Variants in RORB observed in about 807,000 individuals in gnomAD.
RORB encodes nuclear receptor ROR-beta.
RORB carries 6 observed loss-of-function variants against 59.1 expected under a neutral mutation model. The ratio of observed to expected loss-of-function variants is 0.10; its 90% CI spans 0.06 to 0.20. The LOEUF (loss-of-function observed/expected upper bound fraction) is 0.20. RORB is among the 10% of genes least tolerant of loss of function. The probability of loss-of-function intolerance (pLI) is 1.00; values close to 1 mark genes in which losing one functional copy is unlikely to be tolerated. For synonymous variants in RORB, 215 were observed against 204.5 expected (o/e 1.05, Z -0.44); for missense variants, 320 against 560.5 (o/e 0.57, Z 4.33).
intron 9 of RORB, among the ~76,000 whole-genome samples, chr9:74,682,694 C>T (rs187030589): frequency 2.0e-5 from 3 of 152,266 alleles, no homozygotes; most frequent in Admixed American, 6.5e-5. Flanking sequence ...GTCTGCCTCC[C>T]GAAAAGCAGC....
At chr9:74,556,480 G>T (rs1286426834) in intron 1 of RORB, among the ~76,000 whole-genome samples, 2 of 152,162 alleles carry the variant, frequency 1.3e-5, no homozygotes, top group Non-Finnish European at 2.9e-5. Flanking sequence ...GAAAAGTGGA[G>T]CCCTGTCCAT....
intron 1 of RORB, among the ~76,000 whole-genome samples, chr9:74,617,242 C>T (rs1259835065): frequency 6.6e-6 from 1 of 152,112 alleles, no homozygotes; most frequent in South Asian, 2.1e-4. Context: ...AATGGAACAA[C>T]CGTAAGTATC....
intron 9 of RORB, among the ~76,000 whole-genome samples, chr9:74,677,658 C>T (rs575720667): frequency 6.1e-4 from 93 of 152,228 alleles, no homozygotes; most frequent in Middle Eastern, 3.4e-3. Context: ...CTCTTGCTTC[C>T]GTCATTCTGT....
chr9:74,604,978 C>T (rs1311911627), intron 1 of RORB, among the ~76,000 whole-genome samples: 1 of 152,136 alleles, frequency 6.6e-6, no homozygotes, highest in Non-Finnish European at 1.5e-5. Flanking sequence ...ACATTCAGTA[C>T]TTTTTCATTT....
chr9:74,506,669 T>C lies in RORB; in HGVS notation c.7+8686T>C, dbSNP rs1294501574. Among the ~76,000 whole-genome samples the C allele has an allele frequency of 2.0e-5, 3 of 152,056 alleles. No individual in the cohort carries two copies. The East Asian group carries it at 5.8e-4, about 29-fold the overall frequency. On this transcript the variant is annotated intron_variant, in intron 1 of 9. Coordinates refer to ENST00000376896, the MANE Select transcript of RORB (RefSeq NM_006914.4). ...GCTGGGATAAACTCACATAAGCAAATGCCTCCATTTGAAACTTGCAGGCAG... is the reference window on the plus strand; with the variant it reads ...GCTGGGATAAACTCACATAAGCAAACGCCTCCATTTGAAACTTGCAGGCAG...
Position 74,533,870 on chromosome 9 carries a change from G to GA in RORB, c.7+35894dup, listed in dbSNP as rs1414072625. ...AAGTTAAAAAGTTAATGACATTCTT[G>GA]AAAAAAACTTGTGCATTAGGGGTTG... On this transcript the variant is annotated intron_variant, in intron 1 of 9. Transcript: ENST00000376896. Among the ~76,000 whole-genome samples, 6 of 152,020 alleles carry GA rather than the reference G, an allele frequency of 3.9e-5. No individual in the cohort carries two copies. In the East Asian group the frequency reaches 9.7e-4, roughly 25 times the overall value.
At chr9:74,543,287 C>T (rs980778646) in intron 1 of RORB, among the ~76,000 whole-genome samples, 1 of 152,166 alleles carries the variant, frequency 6.6e-6, no homozygotes, top group Non-Finnish European at 1.5e-5. Context: ...TATCTACAGG[C>T]TTCAGATACA....
intron 3 of RORB, 31 bp downstream of exon 3, chr9:74,634,803 A>T (rs370890519): frequency 1.0e-4 from 158 of 1,587,644 alleles, no homozygotes; most frequent in Non-Finnish European, 1.5e-5. Context: ...TTCTTACTTA[A>T]GCCCTTTCAA....
intron 1 of RORB, among the ~76,000 whole-genome samples, chr9:74,616,565 C>A (rs1011281938): frequency 4.6e-5 from 7 of 152,170 alleles, no homozygotes; most frequent in African/African-American, 9.7e-5. Context: ...GCATTTCTGA[C>A]ATCAATGGAG....
chr9:74,683,880 G>C (rs551915355), intron 9 of RORB, among the ~76,000 whole-genome samples: 1 of 152,216 alleles, frequency 6.6e-6, no homozygotes, highest in South Asian at 2.1e-4. Flanking sequence ...GTGCATTCTG[G>C]TGTTTAGCCA....
chr9:74,523,842 C>G (rs1318915), intron 1 of RORB, among the ~76,000 whole-genome samples: 150,388 of 151,810 alleles, frequency 0.99, 74,514 homozygotes, highest in Middle Eastern at 1. Context: ...GACTTTTGAT[C>G]AACTGATATA....
intron 1 of RORB, among the ~76,000 whole-genome samples, chr9:74,595,873 G>A (rs114395067): frequency 0.011 from 1,610 of 152,258 alleles, 24 homozygotes; most frequent in African/African-American, 0.037. Context: ...AGCACGTTGC[G>A]TTGGGCTCCT....
At chr9:74,656,565 G>A (rs1459634890) in intron 4 of RORB, among the ~76,000 whole-genome samples, 3 of 151,976 alleles carry the variant, frequency 2.0e-5, no homozygotes, top group South Asian at 2.1e-4. Flanking sequence ...AAGAAACCCC[G>A]TCTCTACTGA....
intron 4 of RORB, among the ~76,000 whole-genome samples, chr9:74,645,847 G>A (rs1466909350): frequency 1.3e-5 from 2 of 152,018 alleles, no homozygotes; most frequent in Non-Finnish European, 2.9e-5. Context: ...TCTTTTAACC[G>A]TTATACTGTA....
intron 7 of RORB, among the ~76,000 whole-genome samples, chr9:74,666,099 C>T (rs527269625): frequency 3.3e-5 from 5 of 152,070 alleles, no homozygotes; most frequent in South Asian, 4.2e-4. Context: ...CCAGCCTGGC[C>T]AACATGGTGA....
chr9:74,663,831 A>G (rs1824226801), intron 6 of RORB, among the ~76,000 whole-genome samples: 1 of 152,140 alleles, frequency 6.6e-6, no homozygotes, highest in Admixed American at 6.5e-5. Flanking sequence ...CAAGGCTCCA[A>G]AAGCTAGCAC....
chr9:74,548,280 T>C (rs1424909510), intron 1 of RORB, among the ~76,000 whole-genome samples: 6 of 152,216 alleles, frequency 3.9e-5, no homozygotes, highest in Admixed American at 3.9e-4. Flanking sequence ...ATTATCTTTT[T>C]TTCATTGAGT....
Position 74,628,345 on chromosome 9 carries a change from T to A in RORB, c.8-1937T>A, listed in dbSNP as rs150643348. ...TCTTTAGCTGGAGCTATTGGAGTAA[T>A]ATAGGAATTTAAAACTGTAATCTTA... On this transcript the variant is annotated intron_variant, in intron 1 of 9. Coordinates refer to ENST00000376896, the MANE Select transcript of RORB (RefSeq NM_006914.4). Among the ~76,000 whole-genome samples the A allele has an allele frequency of 3.9e-3, 593 of 152,306 alleles. 1 individual carries two copies. The highest frequency in any genetic ancestry group is 0.013 in the African/African-American group (551 of 41,574).
chr9:74,592,466 G>A (rs938430417), intron 1 of RORB, among the ~76,000 whole-genome samples: 1 of 152,190 alleles, frequency 6.6e-6, no homozygotes, highest in Non-Finnish European at 1.5e-5. Flanking sequence ...CAAGGGCATA[G>A]AGAAACTCTT....
Sources: allele counts gnomAD v4.1 joint callset (sites outside exome capture counted in the v4.1 genomes callset), GRCh38; gene constraint gnomAD v4.1.1; transcripts MANE v1.5; gene names NCBI Gene and HGNC (gene_info 2026-07-23, HGNC 2026-07-21).